DDR2: variants seen among roughly 807,000 people sequenced by gnomAD.
The protein encoded by DDR2 is discoidin domain-containing receptor 2.
A neutral mutation model predicts 94.9 loss-of-function variants in DDR2; 27 were observed. The ratio of observed to expected loss-of-function variants is 0.28; its 90% CI spans 0.21 to 0.39. DDR2 has a LOEUF of 0.39. DDR2 is among the 10% of genes least tolerant of loss of function. The pLI, the probability that DDR2 is intolerant of heterozygous loss-of-function variation, is 1.00. For missense variants in DDR2, 783 were observed against 1,076.0 expected (o/e 0.73, Z 3.81); for synonymous variants, 382 against 377.2 (o/e 1.01, Z -0.15).
At chr1:162,733,223 G>T (rs553038563) in intron 3 of DDR2, among the ~76,000 whole-genome samples, 2 of 152,348 alleles carry the variant, frequency 1.3e-5, no homozygotes, top group South Asian at 4.1e-4. Flanking sequence ...ACGAGGAAGT[G>T]GAACTGGGGG....
intron 3 of DDR2, among the ~76,000 whole-genome samples, chr1:162,723,829 C>T (rs1462121999): frequency 1.3e-5 from 2 of 152,234 alleles, no homozygotes; most frequent in African/African-American, 4.8e-5. Flanking sequence ...AGGCAACTTA[C>T]TACCAGTTCA....
At chr1:162,778,054 T>C (rs1647682733) in intron 16 of DDR2, 1 of 165,090 alleles carries the variant, frequency 6.1e-6, no homozygotes, top group Non-Finnish European at 1.3e-5. Flanking sequence ...TATCATCCAC[T>C]TCACAGTGTG....
rs1427970510 is a variant in DDR2, at chr1:162,632,594, G to A, written c.-229G>A. On this transcript the variant is annotated 5_prime_UTR_variant, in exon 1 of 18. Transcript: ENST00000367921. ...GGGAAACGCAGTGGATTATAGCTCTGTTTTCTTCTTTCCAAAACTGTGCAC... is the reference window on the plus strand; with the variant it reads ...GGGAAACGCAGTGGATTATAGCTCTATTTTCTTCTTTCCAAAACTGTGCAC... The A allele has an allele frequency of 6.6e-6, 1 of 152,204 alleles. No homozygotes were observed. 9.4% of individuals were successfully genotyped at this position (152,204 alleles called of 1,614,324 possible).
intron 2 of DDR2, among the ~76,000 whole-genome samples, chr1:162,680,527 G>A (rs1308812892): frequency 6.6e-6 from 1 of 152,114 alleles, no homozygotes; most frequent in Non-Finnish European, 1.5e-5. Flanking sequence ...TGCTGTTTTG[G>A]TTACTACAGC....
chr1:162,675,415 A>G (rs1486230142), intron 2 of DDR2, among the ~76,000 whole-genome samples: 1 of 152,162 alleles, frequency 6.6e-6, no homozygotes, highest in African/African-American at 2.4e-5. Flanking sequence ...GGGACATGGA[A>G]GGGTCCTGAT....
At chr1:162,744,247 T>C (rs1662745919) in intron 3 of DDR2, among the ~76,000 whole-genome samples, 1 of 152,196 alleles carries the variant, frequency 6.6e-6, no homozygotes, top group Admixed American at 6.5e-5. Context: ...GTACAGTGGA[T>C]CTCTAGAACG....
intron 1 of DDR2, among the ~76,000 whole-genome samples, chr1:162,650,159 T>C (rs902116922): frequency 2.0e-5 from 3 of 152,176 alleles, no homozygotes; most frequent in African/African-American, 7.2e-5. Context: ...TGTGGATCTC[T>C]AAGACCAACC....
chr1:162,764,485 C>A (rs1401829834), intron 9 of DDR2, among the ~76,000 whole-genome samples: 1 of 151,064 alleles, frequency 6.6e-6, no homozygotes, highest in Non-Finnish European at 1.5e-5. Context: ...TCATAGACAG[C>A]ATCAAAGGAA....
chr1:162,737,042 C>T (rs972912619), intron 3 of DDR2, among the ~76,000 whole-genome samples: 1 of 152,114 alleles, frequency 6.6e-6, no homozygotes, highest in Non-Finnish European at 1.5e-5. Context: ...CATAGTATTC[C>T]ATGCTGTATA....
At chr1:162,637,073 T>C (rs1656864574) in intron 1 of DDR2, among the ~76,000 whole-genome samples, 1 of 152,138 alleles carries the variant, frequency 6.6e-6, no homozygotes. Flanking sequence ...TGTTTTGCTG[T>C]ATTTATTTAT....
chr1:162,704,808 C>T (rs1295918518), intron 2 of DDR2, among the ~76,000 whole-genome samples: 1 of 152,198 alleles, frequency 6.6e-6, no homozygotes, highest in Non-Finnish European at 1.5e-5. Flanking sequence ...CAGTCTATAG[C>T]ACTATCTGAT....
chr1:162,750,487 G>A (rs1353679896), intron 3 of DDR2, among the ~76,000 whole-genome samples: 9 of 152,030 alleles, frequency 5.9e-5, no homozygotes, highest in Non-Finnish European at 8.8e-5. Flanking sequence ...GCTCAACAAA[G>A]TAAAAGAGGA....
Position 162,782,595 on chromosome 1 carries a change from C to T in DDR2, c.*2349C>T, listed in dbSNP as rs745969007. 6.8e-6 allele frequency: 1 copy of T among 147,204 alleles called. No homozygotes were observed. Among genetic ancestry groups the T allele is most frequent in the East Asian group, 1.9e-4 (1 of 5,192 alleles). 9.1% of individuals were successfully genotyped at this position (147,204 alleles called of 1,614,324 possible). ...AGCCTATTCTTCTTTATCCACATGT[C>T]TCTGGTAGGGCTACATCCAGATCAC... On this transcript the variant is annotated 3_prime_UTR_variant, in exon 18 of 18. Transcript: ENST00000367921.
chr1:162,656,483 G>A (rs1053005796), intron 2 of DDR2, among the ~76,000 whole-genome samples: 5 of 151,946 alleles, frequency 3.3e-5, no homozygotes, highest in Non-Finnish European at 5.9e-5. Context: ...TAGCTTCCTG[G>A]TGGTAATAAT....
At chr1:162,689,408 C>T (rs925676440) in intron 2 of DDR2, among the ~76,000 whole-genome samples, 4 of 152,150 alleles carry the variant, frequency 2.6e-5, no homozygotes, top group Non-Finnish European at 5.9e-5. Context: ...CAAGGTCATA[C>T]ATGAAAACCA....
intron 2 of DDR2, among the ~76,000 whole-genome samples, chr1:162,713,812 C>T (rs1661035090): frequency 6.6e-6 from 1 of 151,980 alleles, no homozygotes; most frequent in Non-Finnish European, 1.5e-5. Flanking sequence ...TTTGTGCATG[C>T]CTCATTGTGT....
intron 2 of DDR2, among the ~76,000 whole-genome samples, chr1:162,656,410 A>T (rs992373): frequency 7.3e-5 from 11 of 151,614 alleles, no homozygotes; most frequent in Admixed American, 7.2e-4. Context: ...TCTCCCTGTC[A>T]AGATGCTTTT....
Position 162,780,349 on chromosome 1 carries a change from A to G in DDR2, c.*103A>G. 6.4e-7 allele frequency: 1 copy of G among 1,551,268 alleles called. No homozygotes were observed. The highest frequency in any genetic ancestry group is 1.1e-5 in the South Asian group (1 of 87,350). ...TCCATCTGGACATTTAATGAAACTG[A>G]GAGACAGAGGCTTGTTTGCTTTGCC... On this transcript the variant is annotated 3_prime_UTR_variant, in exon 18 of 18. Transcript: ENST00000367921.
intron 16 of DDR2, among the ~76,000 whole-genome samples, 167 bp from the exon 17 acceptor site, chr1:162,778,413 G>A (rs551054933): frequency 1.3e-5 from 2 of 152,272 alleles, no homozygotes; most frequent in South Asian, 4.1e-4. Flanking sequence ...CTGAGATCAT[G>A]AGAATGAAAG....
Sources: allele counts gnomAD v4.1 joint callset (sites outside exome capture counted in the v4.1 genomes callset), GRCh38; gene constraint gnomAD v4.1.1; transcripts MANE v1.5; gene names NCBI Gene and HGNC (gene_info 2026-07-23, HGNC 2026-07-21).